The following MOCOS variants were observed in gnomAD, a reference collection of about 807,000 sequenced individuals.
MOCOS encodes the protein human molybdenum cofactor sulfurase.
A neutral mutation model predicts 83.6 loss-of-function variants in MOCOS; 86 were observed. The observed-to-expected ratio is 1.03, with a 90% CI of 0.86 to 1.23. MOCOS has a LOEUF of 1.23. Ranked by LOEUF, MOCOS falls within the 50% of genes most tolerant of loss-of-function variation. MOCOS has a pLI of 0.00. For synonymous variants in MOCOS, 445 were observed against 434.7 expected, an observed-to-expected ratio of 1.02 and a Z score of -0.29; for missense variants, 1,120 against 1,126.9, an observed-to-expected ratio of 0.99 and a Z score of 0.09.
chr18:36,266,420 G>A (rs2091682180), intron 13 of MOCOS, among the ~76,000 whole-genome samples: 1 of 152,106 alleles, frequency 6.6e-6, no homozygotes, highest in Admixed American at 6.6e-5. Flanking sequence ...ACAGGTGTGA[G>A]CCACCATGCT....
intron 7 of MOCOS, among the ~76,000 whole-genome samples, chr18:36,215,017 G>T (rs544814535): frequency 2.6e-4 from 39 of 152,314 alleles, no homozygotes; most frequent in African/African-American, 8.7e-4. Flanking sequence ...ACAGTGGCCC[G>T]GGGCTGGTCA....
At position 36,251,229 on chromosome 18, in the gene MOCOS, T is replaced by C; in HGVS notation, c.2110T>C (p.Leu704=). The C allele has an allele frequency of 6.2e-7, 1 of 1,614,058 alleles. No individual in the cohort carries two copies. Among genetic ancestry groups the C allele is most frequent in the Non-Finnish European group, 8.5e-7 (1 of 1,179,906 alleles). The part of the protein sequence containing the change: ...LSTFFGRPCH[L]IKQSSNSQRN... The stretch of plus-strand genomic sequence containing the variant: ...AACATTTTTTGGCCGTCCTTGTCAT[T>C]TGATCAAACAAAGTTCAAACTCTCA... The change falls in exon 11 of 15, where the codon TTG becomes CTG. Residue 704 remains leucine, a synonymous_variant. Transcript: ENST00000261326.
rs539592089 is a variant in MOCOS, at chr18:36,206,460, G to A, written c.1218+1184G>A. On this transcript the variant is annotated intron_variant, in intron 6 of 14. Coordinates refer to ENST00000261326, the MANE Select transcript of MOCOS (RefSeq NM_017947.4). ...GGGGTTTCACCATGTTGGTCAGGCTGGTCTTGAACTCCTGACCTCAGGTGA... is the reference window on the plus strand; with the variant it reads ...GGGGTTTCACCATGTTGGTCAGGCTAGTCTTGAACTCCTGACCTCAGGTGA... Among the ~76,000 whole-genome samples, 3 of 151,790 alleles carry A rather than the reference G, an allele frequency of 2.0e-5. No individual in the cohort carries two copies. In the South Asian group the frequency reaches 6.3e-4, roughly 32 times the overall value.
chr18:36,198,956 G>A (rs540064690), intron 3 of MOCOS, among the ~76,000 whole-genome samples, 200 bp downstream of exon 3: 1 of 152,328 alleles, frequency 6.6e-6, no homozygotes, highest in East Asian at 1.9e-4. Flanking sequence ...TGGGGCAGAT[G>A]AGACACACAG....
intron 9 of MOCOS, among the ~76,000 whole-genome samples, chr18:36,220,784 G>C (rs1034493610): frequency 2.0e-5 from 3 of 152,054 alleles, no homozygotes; most frequent in African/African-American, 7.2e-5. Context: ...AGCTGGGCAT[G>C]GTGGCACGTG....
At chr18:36,225,386 G>A (rs959988502) in intron 9 of MOCOS, among the ~76,000 whole-genome samples, 7 of 152,114 alleles carry the variant, frequency 4.6e-5, no homozygotes, top group Non-Finnish European at 7.4e-5. Flanking sequence ...TCTTGACCTC[G>A]TGATCTGCCT....
At chr18:36,266,371 AGTGAACAGTCC>A (rs2091681925) in intron 13 of MOCOS, among the ~76,000 whole-genome samples, 1 of 152,050 alleles carries the variant, frequency 6.6e-6, no homozygotes, top group Non-Finnish European at 1.5e-5. Context: ...CCTGGCCTCA[AGTGAACAGTCC>A]GCCTCTGCCT....
intron 8 of MOCOS, among the ~76,000 whole-genome samples, chr18:36,218,456 G>A (rs1187260179): frequency 1.3e-5 from 2 of 152,006 alleles, no homozygotes; most frequent in Non-Finnish European, 2.9e-5. Context: ...TTCTCAGGGA[G>A]CTTTCTTCTG....
At chr18:36,213,340 C>T (rs777391781) in intron 6 of MOCOS, 26 bp from the exon 7 acceptor site, 1 of 1,576,450 alleles carries the variant, frequency 6.3e-7, no homozygotes, top group South Asian at 1.1e-5. Flanking sequence ...GGTAATGGCT[C>T]ATTCCATGTT....
At chr18:36,264,930 G>T (rs570343051) in intron 13 of MOCOS, among the ~76,000 whole-genome samples, 20 of 152,230 alleles carry the variant, frequency 1.3e-4, no homozygotes, top group Non-Finnish European at 2.4e-4. Context: ...CTAATGTGAC[G>T]AATTTATTCA....
At chr18:36,205,946 G>A (rs762654013) in intron 6 of MOCOS, among the ~76,000 whole-genome samples, 1 of 152,090 alleles carries the variant, frequency 6.6e-6, no homozygotes, top group Non-Finnish European at 1.5e-5. Flanking sequence ...CACCATTTTG[G>A]CTAGGCTGGT....
chr18:36,191,760 A>G (rs1435678918), intron 1 of MOCOS, among the ~76,000 whole-genome samples: 2 of 147,744 alleles, frequency 1.4e-5, no homozygotes, highest in Non-Finnish European at 3.0e-5. Flanking sequence ...GCACACACAC[A>G]CACACACACA....
chr18:36,201,663 C>CAAAAAAAAAAAAAAAAAAAAAA (rs200846253), intron 4 of MOCOS, among the ~76,000 whole-genome samples: 1 of 69,444 alleles, frequency 1.4e-5, no homozygotes, highest in Non-Finnish European at 2.8e-5. Context: ...ACTCCATCTC[C>CAAAAAAAAAAAAAAAAAAAAAA]AAAAAAAAAA....
intron 8 of MOCOS, 143 bp from the exon 9 acceptor site, chr18:36,219,912 G>A (rs2091489751): frequency 1.8e-6 from 2 of 1,084,094 alleles, no homozygotes; most frequent in Non-Finnish European, 2.8e-6. Flanking sequence ...CTCTGTTTTA[G>A]TTTCTTCTCT....
chr18:36,245,722 C>T (rs2091600019), intron 9 of MOCOS, among the ~76,000 whole-genome samples: 1 of 152,128 alleles, frequency 6.6e-6, no homozygotes, highest in South Asian at 2.1e-4. Flanking sequence ...AATAAGTTTT[C>T]CAAAGTTTTA....
At chr18:36,257,121 A>C (rs537685286) in intron 12 of MOCOS, 48 bp downstream of exon 12, 1 of 1,527,436 alleles carries the variant, frequency 6.5e-7, no homozygotes, top group East Asian at 2.3e-5. Context: ...ACCATTTGCC[A>C]CTGGGAGCAG....
chr18:36,200,181 C>A lies in MOCOS; in HGVS notation c.798C>A (p.Phe266Leu), dbSNP rs764347152. The A allele has an allele frequency of 4.3e-6, 7 of 1,614,098 alleles. No individual in the cohort carries two copies. The highest frequency in any genetic ancestry group is 5.9e-6 in the Non-Finnish European group (7 of 1,180,042). Residue 266 changes from phenylalanine to leucine, a missense_variant, in exon 4 of 15, where the codon TTC (phenylalanine) becomes TTA (leucine). Transcript: ENST00000261326. Reference protein sequence around the residue: ...DFVPISFYKIFGFPTGLGALL... With the variant: ...DFVPISFYKILGFPTGLGALL... ...TCCCCATCTCCTTCTATAAGATCTT[C>A]GGGTTTCCTACAGGCCTGGGCGCTC... is the stretch of plus-strand genomic sequence containing the variant.
chr18:36,205,464 G>A (rs1309869937), intron 6 of MOCOS, among the ~76,000 whole-genome samples, 188 bp downstream of exon 6: 1 of 152,180 alleles, frequency 6.6e-6, no homozygotes, highest in Non-Finnish European at 1.5e-5. Flanking sequence ...ACTTTCAAAT[G>A]GGAAGAAAGA....
Position 36,266,747 on chromosome 18 carries a change from A to G in MOCOS, c.2410-2A>G. Reference sequence around the variant, plus strand: ...CGCTGTGTTTTCCTTCTCACCTGCCAGGTTTTGGGGCCTTGTCACAGATGC... The same window carrying G: ...CGCTGTGTTTTCCTTCTCACCTGCCGGGTTTTGGGGCCTTGTCACAGATGC... On this transcript the variant is annotated splice_acceptor_variant, in intron 13 of 14. Transcript: ENST00000261326. LOFTEE classifies it high-confidence loss of function. 1 of 1,613,860 alleles carries G rather than the reference A, an allele frequency of 6.2e-7. No individual in the cohort carries two copies. The highest frequency in any genetic ancestry group is 8.5e-7 in the Non-Finnish European group (1 of 1,179,878).
Sources: gnomAD v4.1 joint callset for allele counts (sites outside exome capture counted in the v4.1 genomes callset) on GRCh38, gnomAD v4.1.1 for gene constraint, MANE v1.5 for transcripts, NCBI Gene and HGNC (gene_info 2026-07-23, HGNC 2026-07-21) for gene names.